Variants in CNTNAP2 observed in about 807,000 individuals in gnomAD.
CNTNAP2 encodes the protein contactin associated protein 2, also known as contactin-associated protein-like 2.
CNTNAP2 carries 98 observed loss-of-function variants against 155.2 expected under a neutral mutation model. The ratio of observed to expected loss-of-function variants is 0.63; its 90% CI spans 0.54 to 0.75. The LOEUF is 0.75. CNTNAP2 is among the 30% of genes least tolerant of loss of function. The pLI is 0.00. For synonymous variants in CNTNAP2, 651 were observed against 631.2 expected (o/e 1.03, Z -0.47); for missense variants, 1,727 against 1,688.1 (o/e 1.02, Z -0.40).
At chr7:147,305,682 G>A (rs1189745741) in intron 9 of CNTNAP2, among the ~76,000 whole-genome samples, 1 of 152,182 alleles carries the variant, frequency 6.6e-6, no homozygotes, top group African/African-American at 2.4e-5. Context: ...TTTCAGGAGT[G>A]TGCAAATTGA....
intron 15 of CNTNAP2, among the ~76,000 whole-genome samples, chr7:148,110,682 G>T (rs1387299444): frequency 2.6e-5 from 4 of 152,176 alleles, no homozygotes; most frequent in African/African-American, 4.8e-5. Context: ...CCGGAGGCAG[G>T]CAAGGGCCGG....
chr7:148,118,854 G>C (rs540044911), intron 16 of CNTNAP2, among the ~76,000 whole-genome samples: 33 of 152,284 alleles, frequency 2.2e-4, no homozygotes, highest in Admixed American at 1.4e-3. Flanking sequence ...AAGATACAGA[G>C]ACAATAAGAG....
At chr7:148,228,727 C>G (rs1795903858) in intron 19 of CNTNAP2, among the ~76,000 whole-genome samples, 1 of 149,594 alleles carries the variant, frequency 6.7e-6, no homozygotes, top group Non-Finnish European at 1.5e-5. Flanking sequence ...ACTGGGGATG[C>G]TGAGACAGGA....
chr7:147,658,256 C>CAA (rs11358943), intron 13 of CNTNAP2, among the ~76,000 whole-genome samples: 1 of 95,366 alleles, frequency 1.0e-5, no homozygotes, highest in African/African-American at 3.5e-5. Flanking sequence ...GACTCCGTCC[C>CAA]AAAAAAAAAA....
intron 1 of CNTNAP2, among the ~76,000 whole-genome samples, chr7:146,314,024 T>TAA (rs558900951): frequency 1.1e-3 from 168 of 152,244 alleles, no homozygotes; most frequent in African/African-American, 3.9e-3. Flanking sequence ...TATATATATA[T>TAA]AAATTGATAT....
intron 1 of CNTNAP2, among the ~76,000 whole-genome samples, chr7:146,428,818 C>G (rs1419554086): frequency 6.6e-6 from 1 of 151,916 alleles, no homozygotes; most frequent in Non-Finnish European, 1.5e-5. Context: ...TCATGAAATC[C>G]TTGCCTGTTG....
intron 15 of CNTNAP2, among the ~76,000 whole-genome samples, chr7:148,010,889 T>C (rs1314079658): frequency 1.3e-5 from 2 of 152,152 alleles, no homozygotes; most frequent in East Asian, 3.8e-4. Context: ...ACTGTGCTAG[T>C]GATACATCTT....
chr7:146,499,774 G>T (rs1797273533), intron 1 of CNTNAP2, among the ~76,000 whole-genome samples: 1 of 152,088 alleles, frequency 6.6e-6, no homozygotes, highest in African/African-American at 2.4e-5. Context: ...ATAGCCACTG[G>T]TGTTGTATTG....
intron 1 of CNTNAP2, among the ~76,000 whole-genome samples, chr7:146,657,814 C>T (rs938687685): frequency 6.6e-6 from 1 of 151,782 alleles, no homozygotes; most frequent in African/African-American, 2.4e-5. Flanking sequence ...TCAAAGAAAC[C>T]TTTTAGAATG....
At chr7:147,820,444 C>T (rs1170330092) in intron 13 of CNTNAP2, among the ~76,000 whole-genome samples, 4 of 151,866 alleles carry the variant, frequency 2.6e-5, no homozygotes, top group Non-Finnish European at 5.9e-5. Flanking sequence ...CATTTCCTGC[C>T]GGTCTATGAT....
intron 4 of CNTNAP2, among the ~76,000 whole-genome samples, chr7:147,103,100 T>C (rs1800688540): frequency 6.6e-6 from 1 of 152,142 alleles, no homozygotes; most frequent in Admixed American, 6.5e-5. Flanking sequence ...TATACCTTAA[T>C]CCAATTAATA....
chr7:147,709,088 C>A (rs538517694), intron 13 of CNTNAP2, among the ~76,000 whole-genome samples: 4 of 152,244 alleles, frequency 2.6e-5, no homozygotes, highest in Non-Finnish European at 5.9e-5. Context: ...TCAGCTGATG[C>A]CTCCAGCTGT....
intron 1 of CNTNAP2, among the ~76,000 whole-genome samples, chr7:146,224,020 A>G (rs1429828786): frequency 6.6e-6 from 1 of 152,188 alleles, no homozygotes; most frequent in Non-Finnish European, 1.5e-5. Context: ...CTTTGGCTCA[A>G]ATTGTCCTGT....
intron 1 of CNTNAP2, among the ~76,000 whole-genome samples, chr7:146,189,573 C>T (rs966749080): frequency 1.8e-4 from 27 of 152,050 alleles, no homozygotes; most frequent in Admixed American, 1.6e-3. Flanking sequence ...TACATATGCA[C>T]AAAGCAGTTT....
At chr7:146,363,195 G>C (rs566260143) in intron 1 of CNTNAP2, among the ~76,000 whole-genome samples, 2 of 152,262 alleles carry the variant, frequency 1.3e-5, no homozygotes, top group Admixed American at 6.5e-5. Flanking sequence ...TTATGACATA[G>C]AACTAAAGCA....
intron 8 of CNTNAP2, among the ~76,000 whole-genome samples, chr7:147,272,773 C>T (rs1804785360): frequency 1.3e-5 from 2 of 151,516 alleles, no homozygotes; most frequent in Admixed American, 1.3e-4. Flanking sequence ...TCCTAAAGTG[C>T]TGGGATTACA....
At chr7:147,833,651 G>T (rs891312413) in intron 13 of CNTNAP2, among the ~76,000 whole-genome samples, 3 of 152,184 alleles carry the variant, frequency 2.0e-5, no homozygotes, top group African/African-American at 7.2e-5. Flanking sequence ...TTGGTGAACT[G>T]CTAAAGGCTA....
At chr7:146,536,392 T>C (rs1307934770) in intron 1 of CNTNAP2, among the ~76,000 whole-genome samples, 1 of 152,124 alleles carries the variant, frequency 6.6e-6, no homozygotes, top group Non-Finnish European at 1.5e-5. Context: ...TGGGGATTTA[T>C]GTTTGAGAAT....
chr7:147,229,830 G>T (rs1050968451), intron 8 of CNTNAP2, among the ~76,000 whole-genome samples: 9 of 152,098 alleles, frequency 5.9e-5, no homozygotes, highest in African/African-American at 2.2e-4. Flanking sequence ...AAAAATAAAT[G>T]CTATTCAGAT....
Sources: allele counts gnomAD v4.1 joint callset (sites outside exome capture counted in the v4.1 genomes callset), GRCh38; gene constraint gnomAD v4.1.1; transcripts MANE v1.5; gene names NCBI Gene and HGNC (gene_info 2026-07-23, HGNC 2026-07-21).